Variants in GPC6 observed in about 807,000 individuals in gnomAD.
GPC6 encodes glypican 6, also known as glypican-6.
In GPC6, 14 loss-of-function variants were observed where a neutral mutation model predicts 55.2. The ratio of observed to expected loss-of-function variants is 0.25; its 90% CI spans 0.17 to 0.40. The LOEUF is 0.40. Among genes scored for constraint, GPC6 ranks in the 10% least tolerant of loss-of-function variants. The pLI, the probability that GPC6 is intolerant of heterozygous loss-of-function variation, is 1.00. For synonymous variants in GPC6, 278 were observed against 259.6 expected, an observed-to-expected ratio of 1.07 and a Z score of -0.68; for missense variants, 641 against 708.5, an observed-to-expected ratio of 0.90 and a Z score of 1.08.
intron 4 of GPC6, among the ~76,000 whole-genome samples, chr13:94,183,948 A>G (rs1468912790): frequency 6.6e-6 from 1 of 152,232 alleles, no homozygotes; most frequent in Non-Finnish European, 1.5e-5. Flanking sequence ...ATAAAGCAAC[A>G]CACTTACAAC....
intron 1 of GPC6, among the ~76,000 whole-genome samples, chr13:93,400,338 C>A (rs1186080041): frequency 3.2e-4 from 46 of 142,012 alleles, no homozygotes; most frequent in South Asian, 1.1e-3. Flanking sequence ...AGGCACTGGT[C>A]AAAAAAAAAA....
At chr13:93,354,131 C>G (rs1197926536) in intron 1 of GPC6, among the ~76,000 whole-genome samples, 1 of 152,110 alleles carries the variant, frequency 6.6e-6, no homozygotes, top group Non-Finnish European at 1.5e-5. Flanking sequence ...TTTGCTTTGA[C>G]CATTAGTTTA....
intron 4 of GPC6, among the ~76,000 whole-genome samples, chr13:94,075,855 T>A (rs1261290460): frequency 6.6e-6 from 1 of 151,920 alleles, no homozygotes; most frequent in Non-Finnish European, 1.5e-5. Flanking sequence ...TCTCTTTATC[T>A]ATCCATCAGT....
intron 2 of GPC6, among the ~76,000 whole-genome samples, chr13:93,697,887 A>G (rs1044369446): frequency 3.3e-5 from 5 of 152,102 alleles, no homozygotes; most frequent in African/African-American, 1.2e-4. Flanking sequence ...TTTCATCTTT[A>G]TATTTATTTT....
chr13:94,007,274 C>T (rs770521800), intron 3 of GPC6, among the ~76,000 whole-genome samples: 14 of 152,200 alleles, frequency 9.2e-5, no homozygotes, highest in Non-Finnish European at 2.1e-4. Flanking sequence ...AGTGATTCAA[C>T]ACATATTTAT....
chr13:94,228,720 C>T (rs967534624), intron 4 of GPC6, among the ~76,000 whole-genome samples: 3 of 151,718 alleles, frequency 2.0e-5, no homozygotes, highest in Non-Finnish European at 2.9e-5. Context: ...CTGGAAAGAC[C>T]GATGGCCTGA....
intron 6 of GPC6, among the ~76,000 whole-genome samples, chr13:94,354,093 A>C (rs1209864271): frequency 6.6e-6 from 1 of 152,318 alleles, no homozygotes; most frequent in South Asian, 2.1e-4. Context: ...AACAATGAAC[A>C]TTTCCTCTTA....
chr13:93,252,640 G>C (rs1248274363), intron 1 of GPC6, among the ~76,000 whole-genome samples: 2 of 151,992 alleles, frequency 1.3e-5, no homozygotes, highest in Admixed American at 1.3e-4. Flanking sequence ...ATATTTTCTT[G>C]TATCATTTAA....
At chr13:93,550,912 G>C (rs1875125257) in intron 2 of GPC6, among the ~76,000 whole-genome samples, 1 of 152,088 alleles carries the variant, frequency 6.6e-6, no homozygotes, top group Admixed American at 6.6e-5. Flanking sequence ...TTTGGTCATT[G>C]CCTGTCAAGG....
intron 2 of GPC6, among the ~76,000 whole-genome samples, chr13:93,765,019 T>A (rs1346129658): frequency 6.6e-6 from 1 of 152,058 alleles, no homozygotes; most frequent in African/African-American, 2.4e-5. Flanking sequence ...CAGGATGGTC[T>A]CAATCTCCTG....
intron 3 of GPC6, among the ~76,000 whole-genome samples, chr13:93,980,907 C>G (rs1174920958): frequency 6.6e-6 from 1 of 152,132 alleles, no homozygotes; most frequent in African/African-American, 2.4e-5. Context: ...CCTAAGAGCA[C>G]ACCCTCAATA....
chr13:93,929,711 T>A (rs1239309523), intron 3 of GPC6, among the ~76,000 whole-genome samples: 2 of 151,972 alleles, frequency 1.3e-5, no homozygotes, highest in African/African-American at 4.8e-5. Context: ...TACATAATTT[T>A]AAAATGTCTA....
At chr13:93,250,596 G>A (rs1267090795) in intron 1 of GPC6, among the ~76,000 whole-genome samples, 1 of 152,126 alleles carries the variant, frequency 6.6e-6, no homozygotes, top group African/African-American at 2.4e-5. Flanking sequence ...GCTGCTTTCT[G>A]AGTTCTTCCC....
At chr13:93,754,151 C>T (rs1440857237) in intron 2 of GPC6, among the ~76,000 whole-genome samples, 3 of 152,260 alleles carry the variant, frequency 2.0e-5, no homozygotes, top group East Asian at 3.9e-4. Flanking sequence ...CAAACTTTCT[C>T]CTCTTCCCAG....
chr13:94,314,140 A>G (rs182881435), intron 6 of GPC6, among the ~76,000 whole-genome samples: 1 of 152,362 alleles, frequency 6.6e-6, no homozygotes, highest in East Asian at 1.9e-4. Flanking sequence ...TTTCCAAGTC[A>G]GTTAGACATG....
chr13:93,589,074 T>C (rs549847684), intron 2 of GPC6, among the ~76,000 whole-genome samples: 3 of 152,296 alleles, frequency 2.0e-5, no homozygotes, highest in African/African-American at 7.2e-5. Flanking sequence ...TTGTTCCCTC[T>C]TGTTAATTTT....
chr13:93,749,819 A>G (rs1017119983), intron 2 of GPC6, among the ~76,000 whole-genome samples: 1 of 152,148 alleles, frequency 6.6e-6, no homozygotes, highest in African/African-American at 2.4e-5. Context: ...ACAACGTCAA[A>G]TGGCAAAAGA....
intron 2 of GPC6, among the ~76,000 whole-genome samples, chr13:93,630,576 ATCC>A (rs1208643487): frequency 1.3e-5 from 2 of 152,158 alleles, no homozygotes; most frequent in African/African-American, 4.8e-5. Flanking sequence ...TCAGGAGCCA[ATCC>A]TTCTTGGTAC....
chr13:93,991,400 A>G (rs1018482578), intron 3 of GPC6, among the ~76,000 whole-genome samples: 4 of 116,646 alleles, frequency 3.4e-5, no homozygotes, highest in Non-Finnish European at 8.0e-5. Flanking sequence ...TTAATAAAAC[A>G]TCATAATCAT....
Sources: gnomAD v4.1 joint callset for allele counts (sites outside exome capture counted in the v4.1 genomes callset) on GRCh38, gnomAD v4.1.1 for gene constraint, MANE v1.5 for transcripts, NCBI Gene and HGNC (gene_info 2026-07-23, HGNC 2026-07-21) for gene names.